The following EEA1 variants were observed in gnomAD, a reference collection of about 807,000 sequenced individuals.
EEA1 encodes the protein early endosome antigen 1, also known as early endosome antigen 1, 162kD.
A neutral mutation model predicts 209.2 loss-of-function variants in EEA1; 111 were observed. That is an observed-to-expected ratio of 0.53 (90% CI 0.45 to 0.62). The LOEUF (loss-of-function observed/expected upper bound fraction) is 0.62. Ranked by LOEUF, EEA1 falls within the 20% of genes least tolerant of loss-of-function variation. The pLI, the probability that EEA1 is intolerant of heterozygous loss-of-function variation, is 0.00. For synonymous variants in EEA1, 536 were observed against 540.6 expected, an observed-to-expected ratio of 0.99 and a Z score of 0.12; for missense variants, 1,343 against 1,530.8, an observed-to-expected ratio of 0.88 and a Z score of 2.05.
In EEA1 at chr12:92,811,440, G is replaced by C; in HGVS notation, c.2044-6C>G. ...GTAGTAATCTTATTTAACTCCTTTA[G>C]AAAAGTACAATTGAAGAAAACTTTG... On this transcript the variant is annotated splice_region_variant and splice_polypyrimidine_tract_variant and intron_variant, in intron 16 of 28. Coordinates refer to ENST00000322349, the MANE Select transcript of EEA1 (RefSeq NM_003566.4). The C allele has an allele frequency of 1.3e-6, 2 of 1,532,838 alleles. No individual in the cohort carries two copies. Among genetic ancestry groups the C allele is most frequent in the African/African-American group, 1.4e-5 (1 of 70,932 alleles). The allele number at this position is 1,532,838 out of a possible 1,614,324, so 95.0% of individuals were successfully genotyped here.
intron 3 of EEA1, among the ~76,000 whole-genome samples, chr12:92,862,314 G>A (rs1878190080): frequency 6.6e-6 from 1 of 152,170 alleles, no homozygotes; most frequent in Non-Finnish European, 1.5e-5. Flanking sequence ...ATATTATTCT[G>A]GCCAGGCGCA....
intron 1 of EEA1, among the ~76,000 whole-genome samples, chr12:92,925,519 T>C (rs917360143): frequency 1.3e-5 from 2 of 152,348 alleles, no homozygotes; most frequent in Admixed American, 6.5e-5. Flanking sequence ...CAGCCCACAG[T>C]AAGTTATAAT....
chr12:92,834,021 C>G (rs1417548126), intron 10 of EEA1, among the ~76,000 whole-genome samples: 1 of 151,992 alleles, frequency 6.6e-6, no homozygotes, highest in Non-Finnish European at 1.5e-5. Context: ...GCCATCTGCT[C>G]TATATAAATG....
intron 2 of EEA1, among the ~76,000 whole-genome samples, chr12:92,866,964 G>A (rs778068669): frequency 9.9e-5 from 15 of 152,002 alleles, no homozygotes; most frequent in Non-Finnish European, 1.3e-4. Context: ...GCTCGTGTTC[G>A]GATACTCAGT....
chr12:92,913,356 T>C (rs1022732790), intron 1 of EEA1, among the ~76,000 whole-genome samples: 1 of 152,230 alleles, frequency 6.6e-6, no homozygotes, highest in South Asian at 2.1e-4. Flanking sequence ...TTGAGAAATA[T>C]CTGCTAATGT....
At chr12:92,879,137 A>T (rs1879031201) in intron 2 of EEA1, 1 of 220,818 alleles carries the variant, frequency 4.5e-6, no homozygotes, top group African/African-American at 2.4e-5. Flanking sequence ...AAACAAATGA[A>T]ATCTAGCAGT....
chr12:92,813,244 G>A (rs1875609560), intron 15 of EEA1, 151 bp from the exon 16 acceptor site: 1 of 434,048 alleles, frequency 2.3e-6, no homozygotes, highest in South Asian at 6.1e-5. Context: ...ATATGTATGT[G>A]AAAATCGCCA....
At position 92,798,864 on chromosome 12, in the gene EEA1, T is replaced by C. The variant is rs1219430774; in HGVS notation, c.2967+28A>G. ...TTCTTAATTGCCAAGTTTTTCTTCC[T>C]ATAAAAAGTAAACAAATATATCACT... On this transcript the variant is annotated intron_variant, in intron 21 of 28. Coordinates refer to ENST00000322349, the MANE Select transcript of EEA1 (RefSeq NM_003566.4). 2.7e-6 allele frequency: 4 copies of C among 1,489,980 alleles called. No homozygotes were observed. The African/African-American group carries it at 5.7e-5, about 21-fold the overall frequency. The allele number at this position is 1,489,980 out of a possible 1,614,324, so 92.3% of individuals were successfully genotyped here. A position where few individuals can be genotyped will look rare whatever the true frequency, so the allele number is the denominator to read the frequency against.
chr12:92,928,288 T>G (rs893771374), intron 1 of EEA1, among the ~76,000 whole-genome samples: 1 of 152,234 alleles, frequency 6.6e-6, no homozygotes, highest in African/African-American at 2.4e-5. Flanking sequence ...CTCTAATCTT[T>G]CTATCCTCAA....
chr12:92,827,785 C>T, intron 12 of EEA1, 127 bp downstream of exon 12: 1 of 949,602 alleles, frequency 1.1e-6, no homozygotes, highest in South Asian at 2.6e-5. Flanking sequence ...CAAGATGTTG[C>T]TATTGGAGAG....
chr12:92,797,096 T>C (rs1874686269), intron 21 of EEA1, among the ~76,000 whole-genome samples: 1 of 152,190 alleles, frequency 6.6e-6, no homozygotes, highest in South Asian at 2.1e-4. Context: ...TTGTTTTGTT[T>C]TGCTTTTTTG....
At chr12:92,842,879 A>G (rs1877229891) in intron 9 of EEA1, among the ~76,000 whole-genome samples, 1 of 152,090 alleles carries the variant, frequency 6.6e-6, no homozygotes. Context: ...TGGTTCTTAA[A>G]CTCTATACTT....
Position 92,853,586 on chromosome 12 carries a change from C to T in EEA1, c.406+329G>A, listed in dbSNP as rs188614970. On this transcript the variant is annotated intron_variant, in intron 6 of 28. Coordinates refer to ENST00000322349, the MANE Select transcript of EEA1 (RefSeq NM_003566.4). ...AATTCATTAAAGTATGCAGTCAACT[C>T]CTAATACTTCATCATAAAGAAAATA... Among the ~76,000 whole-genome samples, 349 of 152,162 alleles carry T rather than the reference C, an allele frequency of 2.3e-3. 3 individuals carry two copies. Among genetic ancestry groups the T allele is most frequent in the African/African-American group, 7.8e-3 (322 of 41,484 alleles).
At chr12:92,869,580 C>G (rs1878540573) in intron 2 of EEA1, among the ~76,000 whole-genome samples, 1 of 147,572 alleles carries the variant, frequency 6.8e-6, no homozygotes, top group Admixed American at 6.8e-5. Context: ...CCCATCTCTA[C>G]TTAAAAAAAA....
chr12:92,897,883 A>G (rs1879956918), intron 1 of EEA1, among the ~76,000 whole-genome samples: 1 of 152,196 alleles, frequency 6.6e-6, no homozygotes, highest in Non-Finnish European at 1.5e-5. Context: ...GCAATAAAAT[A>G]TTTTTTAATT....
At chr12:92,789,564 C>T (rs920984597) in intron 21 of EEA1, among the ~76,000 whole-genome samples, 11 of 152,000 alleles carry the variant, frequency 7.2e-5, no homozygotes, top group South Asian at 2.1e-4. Context: ...GAGCCTGGCT[C>T]GGAGAGGGGG....
In EEA1 at chr12:92,832,804, A is replaced by G. The variant is rs1290874357; in HGVS notation, c.962T>C (p.Leu321Ser). 6.2e-7 allele frequency: 1 copy of G among 1,613,436 alleles called. No individual in the cohort carries two copies. Among genetic ancestry groups the G allele is most frequent in the Non-Finnish European group, 8.5e-7 (1 of 1,179,936 alleles). ...AGATTCTTCATTATGTTTCTCCTCT[A>G]ACTTAGTATAGTCTTGTTCTTTTTT... Reference protein sequence around the residue: ...LLKKEQDYTKLEEKHNEESVS... With the variant: ...LLKKEQDYTKSEEKHNEESVS... The change falls in exon 11 of 29, where the codon TTA becomes TCA. Residue 321 changes from leucine (L) to serine (S), a missense_variant. Physicochemically the swap from Leu to Ser is moderately radical, Grantham distance 145. This residue lies in a region of EEA1 where 1,307 missense variants were observed against 1,465.5 expected (regional missense o/e 0.89). Coordinates refer to ENST00000322349, the MANE Select transcript of EEA1 (RefSeq NM_003566.4).
chr12:92,793,770 G>A (rs1402907830), intron 21 of EEA1, among the ~76,000 whole-genome samples: 9 of 151,928 alleles, frequency 5.9e-5, no homozygotes, highest in African/African-American at 1.7e-4. Flanking sequence ...TCATAGAATC[G>A]GAAAAAACTA....
intron 9 of EEA1, among the ~76,000 whole-genome samples, chr12:92,846,404 G>C (rs1466751590): frequency 1.3e-5 from 2 of 152,132 alleles, no homozygotes; most frequent in Non-Finnish European, 2.9e-5. Context: ...GTCTCTTAAA[G>C]AAGCATACTT....
Sources: allele counts gnomAD v4.1 joint callset (sites outside exome capture counted in the v4.1 genomes callset), GRCh38; gene constraint gnomAD v4.1.1; regional missense constraint gnomAD v4.1.1; transcripts MANE v1.5; gene names NCBI Gene and HGNC (gene_info 2026-07-23, HGNC 2026-07-21).